ACSBG2: variants seen among roughly 807,000 people sequenced by gnomAD.
The protein encoded by ACSBG2 is long-chain-fatty-acid--CoA ligase ACSBG2.
In ACSBG2, 62 loss-of-function variants were observed where a neutral mutation model predicts 74.7. The ratio of observed to expected loss-of-function variants is 0.83; its 90% CI spans 0.68 to 1.03. ACSBG2 has a LOEUF of 1.03. Ranked by LOEUF, ACSBG2 falls within the 50% of genes least tolerant of loss-of-function variation. The probability of loss-of-function intolerance (pLI) is 0.00; values close to 1 mark genes in which losing one functional copy is unlikely to be tolerated. For synonymous variants in ACSBG2, 309 were observed against 294.1 expected (o/e 1.05, Z -0.52); for missense variants, 730 against 817.6 (o/e 0.89, Z 1.31).
intron 5 of ACSBG2, 114 bp from the exon 6 acceptor site, chr19:6,161,099 CAA>C (rs56273613): frequency 1.1e-3 from 645 of 564,508 alleles, no homozygotes; most frequent in South Asian, 1.5e-3. Context: ...GACTGTGTCT[CAA>C]AAAAAAAAAA....
chr19:6,182,895 A>C lies in ACSBG2; in HGVS notation c.1051A>C (p.Asn351His). The C allele has an allele frequency of 6.2e-7, 1 of 1,614,200 alleles. No individual in the cohort carries two copies. Among genetic ancestry groups the C allele is most frequent in the Non-Finnish European group, 8.5e-7 (1 of 1,180,030 alleles). The change falls in exon 9 of 15, where the codon AAC becomes CAC. Residue 351 changes from asparagine (N) to histidine (H), a missense_variant. Transcript: ENST00000588485. ...LKKKAFVWAR[N>H]IGFKVNSKKM... Reference sequence around the variant, plus strand: ...GAAGAAGGCATTCGTGTGGGCAAGAAACATTGGCTTCAAGGTCAACTCAAA... The same window carrying C: ...GAAGAAGGCATTCGTGTGGGCAAGACACATTGGCTTCAAGGTCAACTCAAA...
At chr19:6,150,236 A>G (rs1459033076) in intron 3 of ACSBG2, among the ~76,000 whole-genome samples, 1 of 151,930 alleles carries the variant, frequency 6.6e-6, no homozygotes, top group African/African-American at 2.4e-5. Context: ...TGGAAATGTA[A>G]AATGGTGCCG....
chr19:6,163,997 A>G (rs1338056369), intron 6 of ACSBG2, among the ~76,000 whole-genome samples: 2 of 152,142 alleles, frequency 1.3e-5, no homozygotes, highest in African/African-American at 4.8e-5. Context: ...CCCAGAAATG[A>G]GCAAAAACGA....
chr19:6,175,036 AG>A (rs1377802606), intron 7 of ACSBG2, among the ~76,000 whole-genome samples: 2 of 152,224 alleles, frequency 1.3e-5, no homozygotes, highest in African/African-American at 4.8e-5. Flanking sequence ...TCACAGAGCA[AG>A]GGAAGCTCTG....
chr19:6,186,158 A>G (rs2090401262), intron 11 of ACSBG2, among the ~76,000 whole-genome samples: 1 of 152,044 alleles, frequency 6.6e-6, no homozygotes, highest in African/African-American at 2.4e-5. Context: ...AATAATCGAC[A>G]GAGTTGTAAG....
intron 4 of ACSBG2, among the ~76,000 whole-genome samples, chr19:6,154,402 AAGAGAGAG>A (rs547084046): frequency 1.7e-3 from 144 of 83,266 alleles, no homozygotes; most frequent in African/African-American, 4.0e-3. Flanking sequence ...CCGTCTCAAA[AAGAGAGAG>A]AGAGAGAGAG....
At chr19:6,187,877 C>G in intron 13 of ACSBG2, 32 bp downstream of exon 13, 1 of 1,608,178 alleles carries the variant, frequency 6.2e-7, no homozygotes, top group South Asian at 1.1e-5. Flanking sequence ...AGGCTGGTCC[C>G]TTGTTAGCAT....
chr19:6,157,566 AC>A (rs1304228798), intron 5 of ACSBG2, among the ~76,000 whole-genome samples: 1 of 151,946 alleles, frequency 6.6e-6, no homozygotes, highest in East Asian at 1.9e-4. Flanking sequence ...CTGTCTCAAA[AC>A]AAACAAACAA....
intron 6 of ACSBG2, among the ~76,000 whole-genome samples, chr19:6,162,973 G>T (rs143495897): frequency 1.3e-5 from 2 of 151,946 alleles, no homozygotes; most frequent in Non-Finnish European, 2.9e-5. Context: ...GCAAGGGAGA[G>T]TAGAACCTAC....
At chr19:6,157,171 A>C (rs1033233614) in intron 5 of ACSBG2, among the ~76,000 whole-genome samples, 1 of 152,198 alleles carries the variant, frequency 6.6e-6, no homozygotes, top group Non-Finnish European at 1.5e-5. Context: ...GATGGTCTTG[A>C]TCTCCTGACC....
intron 4 of ACSBG2, among the ~76,000 whole-genome samples, chr19:6,154,176 T>C (rs1425099699): frequency 6.6e-6 from 1 of 151,630 alleles, no homozygotes; most frequent in Non-Finnish European, 1.5e-5. Flanking sequence ...GTGGAACACC[T>C]GAGGTCGGGA....
chr19:6,183,973 A>G (rs1384030645), intron 10 of ACSBG2, among the ~76,000 whole-genome samples: 1 of 151,918 alleles, frequency 6.6e-6, no homozygotes, highest in Non-Finnish European at 1.5e-5. Context: ...CAATTCTGTA[A>G]AAGTTTTTTT....
At chr19:6,186,375 ATTC>A (rs1179753488) in intron 11 of ACSBG2, among the ~76,000 whole-genome samples, 1 of 152,360 alleles carries the variant, frequency 6.6e-6, no homozygotes, top group East Asian at 1.9e-4. Flanking sequence ...GTCAAAAAAA[ATTC>A]TTCTTTTGAC....
intron 7 of ACSBG2, among the ~76,000 whole-genome samples, chr19:6,171,086 C>G (rs1346820160): frequency 6.6e-6 from 1 of 151,928 alleles, no homozygotes; most frequent in Non-Finnish European, 1.5e-5. Flanking sequence ...TTCTCCATCC[C>G]TTTACTTTGA....
At chr19:6,185,032 C>T (rs1432877484) in intron 10 of ACSBG2, among the ~76,000 whole-genome samples, 1 of 151,912 alleles carries the variant, frequency 6.6e-6, no homozygotes, top group Non-Finnish European at 1.5e-5. Flanking sequence ...AGGTGATTCT[C>T]CCACCTCAGC....
intron 11 of ACSBG2, 124 bp from the exon 12 acceptor site, chr19:6,187,159 C>A: frequency 7.3e-7 from 1 of 1,364,778 alleles, no homozygotes; most frequent in Non-Finnish European, 1.0e-6. Context: ...TGCACACCAC[C>A]AAACCTGGCT....
intron 2 of ACSBG2, 31 bp from the exon 3 acceptor site, chr19:6,147,415 T>G: frequency 6.3e-7 from 1 of 1,582,300 alleles, no homozygotes; most frequent in South Asian, 1.1e-5. Flanking sequence ...AATAAAAACA[T>G]TTGCCACCCA....
chr19:6,187,369 G>A lies in ACSBG2; in HGVS notation c.1627G>A (p.Ala543Thr), dbSNP rs767667346. The stretch of plus-strand genomic sequence containing the variant: ...GAAGAAGATCCCCATCATCAGTAAC[G>A]CCATGTTAGTAGGAGATAAACTGAA... ...VKKKIPIISN[A>T]MLVGDKLKFL... The change falls in exon 12 of 15, where the codon GCC becomes ACC. Residue 543 changes from alanine (A) to threonine (T), a missense_variant. By Grantham distance (58) the Ala-to-Thr change is moderately conservative. Transcript: ENST00000588485. 37 of 1,614,086 alleles carry A rather than the reference G, an allele frequency of 2.3e-5. No homozygotes were observed. The highest frequency in any genetic ancestry group is 1.6e-4 in the Middle Eastern group (1 of 6,062).
intron 1 of ACSBG2, among the ~76,000 whole-genome samples, chr19:6,138,490 G>T (rs1337571748): frequency 7.7e-6 from 1 of 130,106 alleles, no homozygotes. Flanking sequence ...GGGGAAGGGG[G>T]AAGGGGGAGG....
Sources: gnomAD v4.1 joint callset for allele counts (sites outside exome capture counted in the v4.1 genomes callset) on GRCh38, gnomAD v4.1.1 for gene constraint, MANE v1.5 for transcripts, NCBI Gene and HGNC (gene_info 2026-07-23, HGNC 2026-07-21) for gene names.